NR3C2: variants seen among roughly 807,000 people sequenced by gnomAD.
NR3C2 encodes the protein nuclear receptor subfamily 3 group C member 2.
NR3C2 carries 15 observed loss-of-function variants against 86.4 expected under a neutral mutation model. The ratio of observed to expected loss-of-function variants is 0.17; its 90% confidence interval spans 0.12 to 0.27. The LOEUF is 0.27. Ranked by LOEUF, NR3C2 falls within the 10% of genes least tolerant of loss-of-function variation. NR3C2 has a pLI of 1.00. For synonymous variants in NR3C2, 458 were observed against 450.5 expected, an observed-to-expected ratio of 1.02 and a Z score of -0.21; for missense variants, 960 against 1,195.6, an observed-to-expected ratio of 0.80 and a Z score of 2.91.
chr4:148,426,545 A>G (rs1749539887), intron 2 of NR3C2, among the ~76,000 whole-genome samples: 1 of 152,152 alleles, frequency 6.6e-6, no homozygotes, highest in Non-Finnish European at 1.5e-5. Context: ...TTCTAAGACT[A>G]CCTGATTCTT....
At chr4:148,261,319 G>GCTATGGTGCGCTATGGTAAGCC (rs1561006092) in intron 2 of NR3C2, among the ~76,000 whole-genome samples, 7 of 146,942 alleles carry the variant, frequency 4.8e-5, no homozygotes, top group African/African-American at 1.5e-4. Context: ...TATGGTAAGC[G>GCTATGGTGCGCTATGGTAAGCC]CTATGGTGCG....
At chr4:148,299,578 A>G (rs760139342) in intron 2 of NR3C2, among the ~76,000 whole-genome samples, 34 of 152,326 alleles carry the variant, frequency 2.2e-4, no homozygotes, top group South Asian at 6.2e-4. Context: ...CAGGCTGGCC[A>G]GCATTCTCCA....
intron 2 of NR3C2, among the ~76,000 whole-genome samples, chr4:148,316,208 TAC>T (rs61539000): frequency 0.068 from 10,404 of 152,188 alleles, 546 homozygotes; most frequent in African/African-American, 0.15. Context: ...AATGTGTTAG[TAC>T]ACACACATAC....
intron 8 of NR3C2, among the ~76,000 whole-genome samples, chr4:148,095,828 G>A (rs893253008): frequency 6.6e-6 from 1 of 152,158 alleles, no homozygotes; most frequent in Non-Finnish European, 1.5e-5. Context: ...GTGCTACAGT[G>A]TCTCATGAGA....
Position 148,081,642 on chromosome 4 carries a change from C to G in NR3C2, c.2800-143G>C, listed in dbSNP as rs1364325458. 3.5e-6 allele frequency: 4 copies of G among 1,137,484 alleles called. No homozygotes were observed. The Admixed American group carries it at 8.5e-5, about 24-fold the overall frequency. The allele number at this position is 1,137,484 out of a possible 1,614,324, so 70.5% of individuals were successfully genotyped here. A position where few individuals can be genotyped will look rare whatever the true frequency, so the allele number is the denominator to read the frequency against. ...CATGTCTTCATTAATTGAGCAGAGTCATCTGTCCTGGGAGAGGAAGAAGGG... is the reference window on the plus strand; with the variant it reads ...CATGTCTTCATTAATTGAGCAGAGTGATCTGTCCTGGGAGAGGAAGAAGGG... On this transcript the variant is annotated intron_variant, in intron 8 of 8. Transcript: ENST00000358102.
intron 2 of NR3C2, among the ~76,000 whole-genome samples, chr4:148,267,313 T>C (rs1345175071): frequency 1.3e-5 from 2 of 151,210 alleles, no homozygotes; most frequent in Non-Finnish European, 2.9e-5. Flanking sequence ...AGAGACAAGG[T>C]CTTGCTCTGT....
At chr4:148,104,933 C>T (rs1731725503) in intron 8 of NR3C2, among the ~76,000 whole-genome samples, 1 of 152,156 alleles carries the variant, frequency 6.6e-6, no homozygotes, top group Non-Finnish European at 1.5e-5. Context: ...CAGAACATTT[C>T]CTGAGGAGAA....
chr4:148,084,008 G>T (rs1730698802), intron 8 of NR3C2, among the ~76,000 whole-genome samples: 1 of 152,180 alleles, frequency 6.6e-6, no homozygotes, highest in African/African-American at 2.4e-5. Context: ...AAGCCTCCAA[G>T]AAATACAGGA....
intron 2 of NR3C2, among the ~76,000 whole-genome samples, chr4:148,415,675 G>A (rs1748956436): frequency 1.3e-5 from 2 of 152,136 alleles, no homozygotes; most frequent in South Asian, 2.1e-4. Flanking sequence ...GATCCTAACT[G>A]AACAAAATGC....
intron 3 of NR3C2, among the ~76,000 whole-genome samples, chr4:148,254,763 G>A (rs1561002860): frequency 6.6e-6 from 1 of 152,162 alleles, no homozygotes; most frequent in African/African-American, 2.4e-5. Flanking sequence ...AAAGCAGTAA[G>A]CAGACAGTCC....
chr4:148,135,256 C>T lies in NR3C2; in HGVS notation c.2511-14968G>A, dbSNP rs78222251. Reference sequence around the variant, plus strand: ...TAGGAGGCTCCACTTCTCAATCACCCGCTACAATCACCTCCTGTAGGAGGA... The same window carrying T: ...TAGGAGGCTCCACTTCTCAATCACCTGCTACAATCACCTCCTGTAGGAGGA... On this transcript the variant is annotated intron_variant, in intron 6 of 8. Coordinates refer to ENST00000358102, the MANE Select transcript of NR3C2 (RefSeq NM_000901.5). Among the ~76,000 whole-genome samples, 328 of 152,202 alleles carry T rather than the reference C, an allele frequency of 2.2e-3. 1 individual carries two copies. Among genetic ancestry groups the T allele is most frequent in the African/African-American group, 6.8e-3 (284 of 41,552 alleles).
At chr4:148,416,413 T>C (rs535586507) in intron 2 of NR3C2, among the ~76,000 whole-genome samples, 13 of 152,236 alleles carry the variant, frequency 8.5e-5, no homozygotes, top group Non-Finnish European at 1.9e-4. Flanking sequence ...TACTGTTTGG[T>C]ACATTCTATC....
intron 2 of NR3C2, among the ~76,000 whole-genome samples, chr4:148,429,990 C>T: frequency 6.6e-6 from 1 of 152,070 alleles, no homozygotes; most frequent in African/African-American, 2.4e-5. Context: ...ATAATGACAT[C>T]AAAGTATGAA....
chr4:148,089,965 T>C (rs1156436119), intron 8 of NR3C2, among the ~76,000 whole-genome samples: 1 of 152,222 alleles, frequency 6.6e-6, no homozygotes, highest in African/African-American at 2.4e-5. Flanking sequence ...GACATCTTGG[T>C]TTCTAGGCAG....
chr4:148,233,227 C>G (rs1260331170), intron 3 of NR3C2, among the ~76,000 whole-genome samples: 1 of 152,172 alleles, frequency 6.6e-6, no homozygotes, highest in Non-Finnish European at 1.5e-5. Context: ...AGAGGCCTAT[C>G]TTTCAGCCTA....
intron 8 of NR3C2, among the ~76,000 whole-genome samples, chr4:148,099,885 C>T (rs1731457441): frequency 1.3e-5 from 2 of 151,992 alleles, no homozygotes; most frequent in South Asian, 4.2e-4. Context: ...GTTTTTTTCT[C>T]CCTAAAATTT....
intron 2 of NR3C2, among the ~76,000 whole-genome samples, chr4:148,389,768 C>A (rs562640731): frequency 2.0e-5 from 3 of 151,646 alleles, no homozygotes; most frequent in African/African-American, 7.3e-5. Context: ...CTTACATATA[C>A]ATTATTTCAT....
intron 2 of NR3C2, among the ~76,000 whole-genome samples, chr4:148,370,216 A>G (rs1396839513): frequency 1.3e-5 from 2 of 152,182 alleles, no homozygotes; most frequent in Non-Finnish European, 2.9e-5. Flanking sequence ...TTTGGGCCCT[A>G]GGAGCCCCAT....
At position 148,121,994 on chromosome 4, in the gene NR3C2, CAT is replaced by C. The variant is rs1491158747; in HGVS notation, c.2511-1708_2511-1707del. Reference sequence around the variant, plus strand: ...AGAACTTCTGAGTCATAGATTTGCACATGTCACCTGCTTTCATTCCAACCAGC... The same window carrying C: ...AGAACTTCTGAGTCATAGATTTGCACGTCACCTGCTTTCATTCCAACCAGC... On this transcript the variant is annotated intron_variant, in intron 6 of 8. Transcript: ENST00000358102. Among the ~76,000 whole-genome samples the C allele has an allele frequency of 6.3e-3, 961 of 151,540 alleles. 16 individuals are homozygous for C. Among genetic ancestry groups the C allele is most frequent in the African/African-American group, 0.022 (892 of 41,340 alleles).
Sources: allele counts gnomAD v4.1 joint callset (sites outside exome capture counted in the v4.1 genomes callset), GRCh38; gene constraint gnomAD v4.1.1; transcripts MANE v1.5; gene names NCBI Gene and HGNC (gene_info 2026-07-23, HGNC 2026-07-21).